RBMS3: variants seen among roughly 807,000 people sequenced by gnomAD.
RBMS3 encodes RNA-binding motif, single-stranded-interacting protein 3.
Under a neutral mutation model 66.8 loss-of-function variants are expected in RBMS3, and 27 were observed. That is an observed-to-expected ratio of 0.40 (90% CI 0.30 to 0.56). The LOEUF (loss-of-function observed/expected upper bound fraction) is 0.56, where lower values mean the gene tolerates loss of function less well. RBMS3 is among the 20% of genes least tolerant of loss of function. The pLI is 0.40. For missense variants in RBMS3, 513 were observed against 549.5 expected (o/e 0.93, Z 0.66); for synonymous variants, 188 against 183.0 (o/e 1.03, Z -0.22).
At chr3:29,597,819 T>C (rs1478360047) in intron 4 of RBMS3, among the ~76,000 whole-genome samples, 2 of 151,938 alleles carry the variant, frequency 1.3e-5, no homozygotes, top group Non-Finnish European at 2.9e-5. Context: ...AATGACGCAA[T>C]ATTAAGAGCT....
chr3:29,866,904 T>A (rs1415195024), intron 6 of RBMS3, among the ~76,000 whole-genome samples: 1 of 152,134 alleles, frequency 6.6e-6, no homozygotes, highest in African/African-American at 2.4e-5. Context: ...AGTGAGGCAA[T>A]GATATTTATT....
intron 4 of RBMS3, among the ~76,000 whole-genome samples, chr3:29,632,589 A>T (rs2049323213): frequency 1.3e-5 from 2 of 151,758 alleles, no homozygotes; most frequent in African/African-American, 4.8e-5. Context: ...GTTTTTGATG[A>T]TAATTACAAA....
intron 6 of RBMS3, among the ~76,000 whole-genome samples, chr3:29,868,363 C>A (rs1489460251): frequency 2.0e-5 from 3 of 152,054 alleles, no homozygotes; most frequent in Admixed American, 2.0e-4. Context: ...CAGCTTCTAG[C>A]CATTTAGAAA....
intron 2 of RBMS3, 42 bp from the exon 3 acceptor site, chr3:29,488,399 G>T: frequency 1.3e-6 from 2 of 1,520,512 alleles, no homozygotes; most frequent in Admixed American, 1.7e-5. Flanking sequence ...TGTCTTCAAT[G>T]GGTTACAATA....
chr3:29,716,125 A>G (rs2053382333), intron 4 of RBMS3, among the ~76,000 whole-genome samples: 1 of 152,178 alleles, frequency 6.6e-6, no homozygotes, highest in African/African-American at 2.4e-5. Flanking sequence ...GAACTTTTAC[A>G]TATTGTTGAT....
chr3:29,875,704 A>C (rs967485803), intron 7 of RBMS3, among the ~76,000 whole-genome samples: 6 of 152,184 alleles, frequency 3.9e-5, no homozygotes, highest in African/African-American at 1.2e-4. Context: ...GGTTTTAATG[A>C]CAAACTCAGA....
At chr3:29,991,868 T>C (rs971299078) in intron 14 of RBMS3, among the ~76,000 whole-genome samples, 1 of 152,164 alleles carries the variant, frequency 6.6e-6, no homozygotes, top group Non-Finnish European at 1.5e-5. Context: ...AAGGGTATTG[T>C]AAGATATGAA....
intron 4 of RBMS3, among the ~76,000 whole-genome samples, chr3:29,603,706 T>C (rs745531220): frequency 7.9e-5 from 12 of 151,972 alleles, no homozygotes; most frequent in Non-Finnish European, 1.3e-4. Flanking sequence ...ACAAGTAAGA[T>C]ACAATTCCAG....
At chr3:29,350,914 A>C (rs996212779) in intron 1 of RBMS3, among the ~76,000 whole-genome samples, 1 of 152,126 alleles carries the variant, frequency 6.6e-6, no homozygotes, top group Non-Finnish European at 1.5e-5. Flanking sequence ...GGAAAGCTAT[A>C]AAAGGAAAAG....
At chr3:29,502,781 A>G (rs920168913) in intron 3 of RBMS3, among the ~76,000 whole-genome samples, 1 of 152,172 alleles carries the variant, frequency 6.6e-6, no homozygotes, top group Non-Finnish European at 1.5e-5. Flanking sequence ...GCAGTTAAAT[A>G]AATTTTAAGT....
intron 6 of RBMS3, among the ~76,000 whole-genome samples, chr3:29,819,326 G>T (rs2058010448): frequency 6.6e-6 from 1 of 152,078 alleles, no homozygotes; most frequent in Non-Finnish European, 1.5e-5. Context: ...CTCTTCTCTG[G>T]TGGCAATAAA....
At chr3:29,495,897 T>C (rs912182313) in intron 3 of RBMS3, among the ~76,000 whole-genome samples, 2 of 152,186 alleles carry the variant, frequency 1.3e-5, no homozygotes, top group Non-Finnish European at 2.9e-5. Context: ...ACTATTTAAC[T>C]CTGGCGGATA....
chr3:29,546,540 C>T (rs980669152), intron 3 of RBMS3, among the ~76,000 whole-genome samples: 7 of 152,158 alleles, frequency 4.6e-5, no homozygotes, highest in Non-Finnish European at 7.4e-5. Flanking sequence ...AACAAAAACA[C>T]TGGTGTGCTT....
intron 3 of RBMS3, among the ~76,000 whole-genome samples, chr3:29,511,274 C>T (rs534971481): frequency 1.6e-4 from 24 of 151,762 alleles, no homozygotes; most frequent in Non-Finnish European, 3.1e-4. Flanking sequence ...CCAGCCTGGG[C>T]GACGGAGAGA....
At chr3:29,579,091 G>A (rs557722318) in intron 3 of RBMS3, among the ~76,000 whole-genome samples, 14 of 135,338 alleles carry the variant, frequency 1.0e-4, no homozygotes, top group Non-Finnish European at 2.0e-4. Flanking sequence ...GTGAGCCACC[G>A]CGCCCGGCCA....
chr3:29,991,353 G>T, intron 14 of RBMS3, 144 bp downstream of exon 14: 1 of 1,414,818 alleles, frequency 7.1e-7, no homozygotes, highest in South Asian at 1.4e-5. Context: ...GATTATGTGG[G>T]TTTGAAATTT....
At chr3:29,647,671 G>A (rs1051242323) in intron 4 of RBMS3, among the ~76,000 whole-genome samples, 1 of 152,140 alleles carries the variant, frequency 6.6e-6, no homozygotes, top group African/African-American at 2.4e-5. Context: ...AGAGCAGGAG[G>A]TAACCATCTT....
At chr3:29,596,582 A>G (rs17023891) in intron 4 of RBMS3, among the ~76,000 whole-genome samples, 22,781 of 152,220 alleles carry the variant, frequency 0.15, 1,966 homozygotes, top group East Asian at 0.32. Flanking sequence ...AAAAAATAGG[A>G]GATGTCCCAC....
chr3:29,985,321 T>C (rs899662224), intron 12 of RBMS3, among the ~76,000 whole-genome samples: 1 of 151,980 alleles, frequency 6.6e-6, no homozygotes, highest in Non-Finnish European at 1.5e-5. Context: ...CTGGGCTCCG[T>C]AGAGGTGGCA....
Sources: gnomAD v4.1 joint callset for allele counts (sites outside exome capture counted in the v4.1 genomes callset) on GRCh38, gnomAD v4.1.1 for gene constraint, MANE v1.5 for transcripts, NCBI Gene and HGNC (gene_info 2026-07-23, HGNC 2026-07-21) for gene names.